Variants in TMEM232 observed in about 807,000 individuals in gnomAD.
The protein encoded by TMEM232 is transmembrane protein 232.
In TMEM232, 80 loss-of-function variants were observed where a neutral mutation model predicts 78.8. The ratio of observed to expected loss-of-function variants is 1.01; its 90% CI spans 0.85 to 1.22. The LOEUF (loss-of-function observed/expected upper bound fraction) is 1.22, where lower values mean the gene tolerates loss of function less well. TMEM232 is among the 50% of genes most tolerant of loss of function. The probability of loss-of-function intolerance (pLI) is 0.00; values close to 1 mark genes in which losing one functional copy is unlikely to be tolerated. For synonymous variants in TMEM232, 297 were observed against 254.3 expected (o/e 1.17, Z -1.60); for missense variants, 881 against 742.2 (o/e 1.19, Z -2.17).
intron 1 of TMEM232, among the ~76,000 whole-genome samples, chr5:110,695,236 G>T (rs1350857218): frequency 6.6e-6 from 1 of 152,122 alleles, no homozygotes; most frequent in Non-Finnish European, 1.5e-5. Context: ...CAGAAATAAA[G>T]ATGTTCTTCG....
At chr5:110,719,365 T>C (rs1797360566) in intron 1 of TMEM232, among the ~76,000 whole-genome samples, 1 of 152,062 alleles carries the variant, frequency 6.6e-6, no homozygotes, top group South Asian at 2.1e-4. Context: ...AGACATTCTG[T>C]TCATATCTTC....
intron 5 of TMEM232, among the ~76,000 whole-genome samples, chr5:110,631,831 C>T (rs1473442135): frequency 6.6e-6 from 1 of 152,136 alleles, no homozygotes; most frequent in Non-Finnish European, 1.5e-5. Context: ...ACTGCTACTG[C>T]CACTACCTAC....
intron 1 of TMEM232, among the ~76,000 whole-genome samples, chr5:110,722,512 C>G (rs1797746551): frequency 6.6e-6 from 1 of 152,166 alleles, no homozygotes; most frequent in African/African-American, 2.4e-5. Context: ...GCTGTTGTAG[C>G]AGGCCTCAGT....
intron 8 of TMEM232, 141 bp downstream of exon 8, chr5:110,618,288 G>A: frequency 9.9e-7 from 1 of 1,009,360 alleles, no homozygotes; most frequent in Non-Finnish European, 1.4e-6. Flanking sequence ...CATGTAAATT[G>A]CCATTGCCTT....
chr5:110,495,487 C>G (rs1335257139), intron 12 of TMEM232, among the ~76,000 whole-genome samples: 1 of 151,758 alleles, frequency 6.6e-6, no homozygotes, highest in Non-Finnish European at 1.5e-5. Context: ...GTTGAAAGAA[C>G]AAAATGAAAA....
intron 1 of TMEM232, among the ~76,000 whole-genome samples, chr5:110,723,333 A>C (rs1200266076): frequency 6.6e-6 from 1 of 152,184 alleles, no homozygotes; most frequent in Non-Finnish European, 1.5e-5. Flanking sequence ...CATACCTCAA[A>C]TGTAAGAGAC....
chr5:110,391,496 T>C (rs1470978971), intron 3 of TMEM232, among the ~76,000 whole-genome samples: 1 of 152,124 alleles, frequency 6.6e-6, no homozygotes, highest in Non-Finnish European at 1.5e-5. Context: ...ATTTATCATG[T>C]AACAGAAAAT....
chr5:110,401,365 G>A (rs545029515), intron 2 of TMEM232, among the ~76,000 whole-genome samples: 14 of 151,502 alleles, frequency 9.2e-5, no homozygotes, highest in Middle Eastern at 3.4e-3. Context: ...TCTTTAGTCC[G>A]TTTCTACATA....
intron 12 of TMEM232, among the ~76,000 whole-genome samples, chr5:110,452,683 A>G (rs187258667): frequency 3.2e-4 from 48 of 152,300 alleles, no homozygotes; most frequent in African/African-American, 1.1e-3. Flanking sequence ...GAAATAGAAG[A>G]GTCAGGGATA....
chr5:110,426,610 G>C (rs1757258535), intron 12 of TMEM232, among the ~76,000 whole-genome samples: 1 of 151,938 alleles, frequency 6.6e-6, no homozygotes, highest in Non-Finnish European at 1.5e-5. Context: ...GAAGTTACAG[G>C]CAACCAGGAA....
At chr5:110,671,653 C>A (rs1449169464) in intron 1 of TMEM232, among the ~76,000 whole-genome samples, 1 of 152,038 alleles carries the variant, frequency 6.6e-6, no homozygotes, top group Non-Finnish European at 1.5e-5. Context: ...AGGAACAGAA[C>A]CAAACATTGC....
At chr5:110,685,408 T>C (rs1030694188) in intron 1 of TMEM232, among the ~76,000 whole-genome samples, 2 of 152,122 alleles carry the variant, frequency 1.3e-5, no homozygotes, top group Non-Finnish European at 2.9e-5. Context: ...AAAGCCAGTA[T>C]GATCAAAATC....
chr5:110,616,190 A>G lies in TMEM232; in HGVS notation c.902+2239T>C, dbSNP rs4957596. On this transcript the variant is annotated intron_variant, in intron 8 of 13. Transcript: ENST00000455884. ...TTAAAGTGTATTACAAAGCTATAGTAATCAAAACAGCACGGCAATTGCATA... is the reference window on the plus strand; with the variant it reads ...TTAAAGTGTATTACAAAGCTATAGTGATCAAAACAGCACGGCAATTGCATA... Among the ~76,000 whole-genome samples the G allele has an allele frequency of 4.6e-3, 701 of 152,162 alleles. 5 individuals are homozygous for G. Among genetic ancestry groups the G allele is most frequent in the African/African-American group, 0.016 (684 of 41,568 alleles).
intron 12 of TMEM232, among the ~76,000 whole-genome samples, chr5:110,489,798 T>C (rs549090744): frequency 1.3e-3 from 200 of 152,092 alleles, no homozygotes; most frequent in African/African-American, 4.6e-3. Flanking sequence ...AATGAATTCA[T>C]CAAGGTCACA....
Position 110,420,299 on chromosome 5 carries a change from T to G in TMEM232, c.*281A>C. The G allele has an allele frequency of 4.2e-6, 1 of 239,014 alleles. No individual in the cohort carries two copies. Among genetic ancestry groups the G allele is most frequent in the Non-Finnish European group, 7.9e-6 (1 of 126,116 alleles). The allele number at this position is 239,014 out of a possible 1,614,324, so 14.8% of individuals were successfully genotyped here. A position where few individuals can be genotyped will look rare whatever the true frequency, so the allele number is the denominator to read the frequency against. ...AGTTATCAAGTATGCTGTACAATCA[T>G]GAGATAAAGGTCAATTGAGAAAAAT... is the stretch of plus-strand genomic sequence containing the variant. On this transcript the variant is annotated 3_prime_UTR_variant, in exon 14 of 14. Transcript: ENST00000455884.
At chr5:110,496,370 C>T (rs1264132737) in intron 12 of TMEM232, among the ~76,000 whole-genome samples, 2 of 152,040 alleles carry the variant, frequency 1.3e-5, no homozygotes, top group African/African-American at 4.8e-5. Flanking sequence ...AACACTATTA[C>T]TCATCTAGAT....
At chr5:110,700,766 G>GTAGGTAGGTAGATAGA (rs1795327708) in intron 1 of TMEM232, among the ~76,000 whole-genome samples, 3 of 126,074 alleles carry the variant, frequency 2.4e-5, no homozygotes, top group African/African-American at 9.1e-5. Context: ...AGGTAGGTAG[G>GTAGGTAGGTAGATAGA]TAGGTAGATA....
chr5:110,641,505 A>C (rs1156588100), intron 3 of TMEM232, among the ~76,000 whole-genome samples: 1 of 152,136 alleles, frequency 6.6e-6, no homozygotes, highest in Non-Finnish European at 1.5e-5. Flanking sequence ...AATTGGAGAA[A>C]AGTTCACTGA....
intron 2 of TMEM232, among the ~76,000 whole-genome samples, chr5:110,402,320 G>T (rs17132061): frequency 0.032 from 4,847 of 152,076 alleles, 266 homozygotes; most frequent in African/African-American, 0.11. Flanking sequence ...TTTACATCTT[G>T]CTGCAGTCTT....
Sources: allele counts gnomAD v4.1 joint callset (sites outside exome capture counted in the v4.1 genomes callset), GRCh38; gene constraint gnomAD v4.1.1; transcripts MANE v1.5; gene names NCBI Gene and HGNC (gene_info 2026-07-23, HGNC 2026-07-21).